The following OXR1 variants were observed in gnomAD, a reference collection of about 807,000 sequenced individuals.
The protein encoded by OXR1 is oxidation resistance protein 1.
A neutral mutation model predicts 104.6 loss-of-function variants in OXR1; 41 were observed. The observed-to-expected ratio is 0.39, with a 90% CI of 0.31 to 0.51. OXR1 has a LOEUF of 0.51. Ranked by LOEUF, OXR1 falls within the 20% of genes least tolerant of loss-of-function variation. The probability of loss-of-function intolerance (pLI) is 0.77; values close to 1 mark genes in which losing one functional copy is unlikely to be tolerated. For missense variants in OXR1, 955 were observed against 1,031.9 expected, an observed-to-expected ratio of 0.93 and a Z score of 1.02; for synonymous variants, 348 against 348.4, an observed-to-expected ratio of 1.00 and a Z score of 0.01.
chr8:106,366,730 C>T (rs571996668), intron 2 of OXR1, among the ~76,000 whole-genome samples: 3 of 151,788 alleles, frequency 2.0e-5, no homozygotes, highest in Non-Finnish European at 2.9e-5. Flanking sequence ...TGTTCCATTA[C>T]GGTACTGAGA....
intron 2 of OXR1, chr8:106,447,775 C>G (rs1456793928): frequency 1.5e-6 from 1 of 658,548 alleles, no homozygotes; most frequent in African/African-American, 1.8e-5. Context: ...ATTTAATAAC[C>G]TCCTTCGTTG....
At chr8:106,523,777 A>AT (rs34364900) in intron 3 of OXR1, among the ~76,000 whole-genome samples, 30,775 of 145,536 alleles carry the variant, frequency 0.21, 3,718 homozygotes, top group Non-Finnish European at 0.27. Flanking sequence ...TGGAGTGGAA[A>AT]TTTTTTTTTT....
At chr8:106,493,227 A>G (rs1049334533) in intron 2 of OXR1, among the ~76,000 whole-genome samples, 2 of 152,154 alleles carry the variant, frequency 1.3e-5, no homozygotes, top group Admixed American at 1.3e-4. Flanking sequence ...AGCCTGCAGA[A>G]CCATATTGCT....
intron 2 of OXR1, among the ~76,000 whole-genome samples, chr8:106,416,174 A>T (rs572249743): frequency 6.6e-6 from 1 of 152,264 alleles, no homozygotes; most frequent in South Asian, 2.1e-4. Context: ...AAGTGTAAAG[A>T]TGAGAAAACA....
intron 1 of OXR1, among the ~76,000 whole-genome samples, chr8:106,292,786 AG>A (rs369309395): frequency 2.2e-4 from 34 of 152,312 alleles, no homozygotes; most frequent in African/African-American, 7.5e-4. Context: ...GGAACTGAGA[AG>A]GAGCAGCCTG....
chr8:106,709,416 G>T (rs1554626848), intron 9 of OXR1, among the ~76,000 whole-genome samples: 1 of 152,000 alleles, frequency 6.6e-6, no homozygotes, highest in Non-Finnish European at 1.5e-5. Flanking sequence ...AAAGAATGCT[G>T]CCCAGCATTC....
intron 2 of OXR1, among the ~76,000 whole-genome samples, chr8:106,415,298 AT>A (rs34909382): frequency 0.12 from 17,734 of 152,034 alleles, 1,488 homozygotes; most frequent in East Asian, 0.42. Context: ...ATGTTTTGCC[AT>A]TTTTTATTGG....
intron 5 of OXR1, among the ~76,000 whole-genome samples, chr8:106,683,903 A>C (rs929574460): frequency 1.3e-5 from 2 of 152,186 alleles, no homozygotes; most frequent in Non-Finnish European, 2.9e-5. Context: ...CTTTAAATGT[A>C]AGTATTTCTG....
intron 2 of OXR1, among the ~76,000 whole-genome samples, chr8:106,422,554 TA>T (rs1818948659): frequency 6.6e-6 from 1 of 152,148 alleles, no homozygotes; most frequent in African/African-American, 2.4e-5. Flanking sequence ...ATAGTAATAA[TA>T]TCTTCACTTT....
chr8:106,493,506 C>T (rs1239076299), intron 2 of OXR1, among the ~76,000 whole-genome samples: 8 of 84,312 alleles, frequency 9.5e-5, no homozygotes, highest in African/African-American at 3.3e-4. Flanking sequence ...AGGATGGGCC[C>T]CAGGAATAAG....
intron 2 of OXR1, among the ~76,000 whole-genome samples, chr8:106,497,788 A>ATGTG (rs5893796): frequency 0.2 from 30,216 of 150,472 alleles, 5,125 homozygotes; most frequent in African/African-American, 0.47. Flanking sequence ...TGGTCACCAT[A>ATGTG]TGTGTGTGTG....
intron 1 of OXR1, among the ~76,000 whole-genome samples, chr8:106,280,235 TATGGTAAACAGAA>T (rs1282170386): frequency 1.3e-5 from 2 of 152,188 alleles, no homozygotes; most frequent in Non-Finnish European, 2.9e-5. Flanking sequence ...ACAATGTCTA[TATGGTAAACAGAA>T]ATACTGTTTT....
chr8:106,473,225 C>T (rs2510816), intron 2 of OXR1, among the ~76,000 whole-genome samples: 11,823 of 151,792 alleles, frequency 0.078, 512 homozygotes, highest in Non-Finnish European at 0.087. Flanking sequence ...CTTAATGGCA[C>T]AGCACAAATC....
At chr8:106,307,412 T>A (rs1313919179) in intron 1 of OXR1, among the ~76,000 whole-genome samples, 1 of 152,188 alleles carries the variant, frequency 6.6e-6, no homozygotes, top group Non-Finnish European at 1.5e-5. Context: ...TCCTTTTTCC[T>A]CCTCACACTC....
chr8:106,478,262 T>A (rs532574881), intron 2 of OXR1, among the ~76,000 whole-genome samples: 5 of 151,952 alleles, frequency 3.3e-5, no homozygotes, highest in Admixed American at 3.3e-4. Context: ...TGTGTTTATA[T>A]CATTATTTCA....
intron 1 of OXR1, among the ~76,000 whole-genome samples, chr8:106,330,533 C>T (rs1311065677): frequency 6.6e-6 from 1 of 152,102 alleles, no homozygotes; most frequent in Non-Finnish European, 1.5e-5. Flanking sequence ...ATGTTTATTT[C>T]TAGGGTTATT....
chr8:106,553,252 A>G (rs1816009444), intron 3 of OXR1, among the ~76,000 whole-genome samples: 1 of 151,896 alleles, frequency 6.6e-6, no homozygotes, highest in African/African-American at 2.4e-5. Context: ...TACTGTGGAA[A>G]AAAATAAGCC....
chr8:106,630,853 C>T (rs1222245340), intron 3 of OXR1, among the ~76,000 whole-genome samples: 5 of 152,180 alleles, frequency 3.3e-5, no homozygotes, highest in Non-Finnish European at 2.9e-5. Context: ...TTCTAGGGCT[C>T]AGTGGCTCTT....
At chr8:106,625,565 G>T (rs1025278889) in intron 3 of OXR1, among the ~76,000 whole-genome samples, 7 of 152,196 alleles carry the variant, frequency 4.6e-5, no homozygotes, top group Non-Finnish European at 7.3e-5. Context: ...TGGGTGGCTA[G>T]TTTATAAATC....
Sources: gnomAD v4.1 joint callset for allele counts (sites outside exome capture counted in the v4.1 genomes callset) on GRCh38, gnomAD v4.1.1 for gene constraint, MANE v1.5 for transcripts, NCBI Gene and HGNC (gene_info 2026-07-23, HGNC 2026-07-21) for gene names.